The following TENM4 variants were observed in gnomAD, a reference collection of about 807,000 sequenced individuals.
TENM4 encodes teneurin-4.
Under a neutral mutation model 243.3 loss-of-function variants are expected in TENM4, and 82 were observed. The ratio of observed to expected loss-of-function variants is 0.34; its 90% CI spans 0.28 to 0.40. TENM4 has a LOEUF of 0.40. TENM4 is among the 10% of genes least tolerant of loss of function. The pLI is 1.00. For missense variants in TENM4, 3,138 were observed against 3,673.3 expected (o/e 0.85, Z 3.77); for synonymous variants, 1,412 against 1,456.3 (o/e 0.97, Z 0.69).
At chr11:78,709,565 C>G (rs1281107242) in intron 26 of TENM4, among the ~76,000 whole-genome samples, 1 of 152,196 alleles carries the variant, frequency 6.6e-6, no homozygotes, top group Non-Finnish European at 1.5e-5. Context: ...ATCTGTATTT[C>G]TCACTCTTGG....
chr11:79,197,932 A>C (rs1863663349), intron 3 of TENM4, among the ~76,000 whole-genome samples: 2 of 152,090 alleles, frequency 1.3e-5, no homozygotes, highest in South Asian at 4.1e-4. Context: ...CGTGCAGGCC[A>C]CTGCTGGAAC....
At chr11:79,209,756 A>G (rs1306014521) in intron 3 of TENM4, among the ~76,000 whole-genome samples, 1 of 152,220 alleles carries the variant, frequency 6.6e-6, no homozygotes, top group Non-Finnish European at 1.5e-5. Context: ...CAGTCAGTGC[A>G]TGGCACCCTG....
chr11:79,064,584 C>G, intron 6 of TENM4, 154 bp downstream of exon 6: 1 of 1,023,628 alleles, frequency 9.8e-7, no homozygotes, highest in South Asian at 1.7e-5. Context: ...TTTCACGTGA[C>G]TCTCCAAGAG....
chr11:79,005,264 G>A (rs1858452629), intron 6 of TENM4, among the ~76,000 whole-genome samples: 2 of 152,218 alleles, frequency 1.3e-5, no homozygotes, highest in South Asian at 2.1e-4. Flanking sequence ...CATTCTATGA[G>A]GCCAGCATTA....
At chr11:79,254,026 A>G (rs1855657985) in intron 2 of TENM4, among the ~76,000 whole-genome samples, 1 of 152,200 alleles carries the variant, frequency 6.6e-6, no homozygotes, top group Admixed American at 6.5e-5. Flanking sequence ...GAAAAGCTTG[A>G]TAATTTTCCA....
At chr11:79,193,524 G>T (rs962928050) in intron 3 of TENM4, among the ~76,000 whole-genome samples, 2 of 152,172 alleles carry the variant, frequency 1.3e-5, no homozygotes, top group Middle Eastern at 3.2e-3. Flanking sequence ...CTGAGTTGCT[G>T]CAAGTCATGG....
At position 79,115,847 on chromosome 11, in the gene TENM4, A is replaced by C. The variant is rs150758482; in HGVS notation, c.-66+32863T>G. On this transcript the variant is annotated intron_variant, in intron 4 of 33. Coordinates refer to ENST00000278550, the MANE Select transcript of TENM4 (RefSeq NM_001098816.3). ...GCCAGGCACCTCACCTATCCCTCAC[A>C]GGCCAAGATATGTCCTTCTATGTAA... 6.5e-4 allele frequency among the ~76,000 whole-genome samples: 99 copies of C among 152,296 alleles called. No individual in the cohort carries two copies. The East Asian group carries it at 0.013, about 21-fold the overall frequency.
intron 6 of TENM4, among the ~76,000 whole-genome samples, chr11:79,043,859 C>A (rs1267063606): frequency 2.0e-5 from 3 of 152,192 alleles, no homozygotes; most frequent in Non-Finnish European, 2.9e-5. Flanking sequence ...CAGGATTTAA[C>A]CTGTTGATTC....
In TENM4 at chr11:79,139,758, T is replaced by A. The variant is rs1488871021; in HGVS notation, c.-66+8952A>T. On this transcript the variant is annotated intron_variant, in intron 4 of 33. Transcript: ENST00000278550. ...ATTTATATAAATATATAATATATAT[T>A]ATATTTATATAAATATATAATATAT... 5.8e-4 allele frequency among the ~76,000 whole-genome samples: 10 copies of A among 17,314 alleles called. 1 individual carries two copies. The highest frequency in any genetic ancestry group is 1.2e-3 in the Non-Finnish European group (9 of 7,680). 11.4% of individuals were successfully genotyped at this position (17,314 alleles called of 152,430 possible).
intron 7 of TENM4, among the ~76,000 whole-genome samples, chr11:78,892,837 G>A (rs765659532): frequency 6.6e-6 from 1 of 152,164 alleles, no homozygotes; most frequent in Non-Finnish European, 1.5e-5. Flanking sequence ...AACAAGTGGA[G>A]AGCCAAGCTG....
intron 6 of TENM4, among the ~76,000 whole-genome samples, chr11:79,063,792 G>A (rs1399312204): frequency 6.6e-6 from 1 of 152,176 alleles, no homozygotes; most frequent in African/African-American, 2.4e-5. Context: ...GTGTGAACCA[G>A]GTGTCATCTT....
At chr11:79,162,514 C>T (rs1487130389) in intron 3 of TENM4, among the ~76,000 whole-genome samples, 2 of 151,598 alleles carry the variant, frequency 1.3e-5, no homozygotes, top group Admixed American at 6.6e-5. Context: ...TGTCTGACTC[C>T]TCTATGTCTT....
intron 30 of TENM4, among the ~76,000 whole-genome samples, chr11:78,674,135 G>T (rs1858406171): frequency 6.6e-6 from 1 of 152,218 alleles, no homozygotes; most frequent in South Asian, 2.1e-4. Context: ...TCTAGTGAAG[G>T]GGAGCTGTAC....
chr11:79,227,268 CTTGGTTGCTGTCA>C (rs560935120), intron 2 of TENM4, among the ~76,000 whole-genome samples: 11 of 152,316 alleles, frequency 7.2e-5, no homozygotes, highest in South Asian at 2.1e-4. Flanking sequence ...TCCCTCCAGC[CTTGGTTGCTGTCA>C]TTGGTTGCTG....
At chr11:78,984,686 T>C (rs1226814205) in intron 6 of TENM4, among the ~76,000 whole-genome samples, 5 of 152,202 alleles carry the variant, frequency 3.3e-5, no homozygotes, top group Non-Finnish European at 7.3e-5. Flanking sequence ...CTGCTGCTGC[T>C]ACGCTACCTC....
chr11:79,374,327 C>A (rs1857847154), intron 1 of TENM4, among the ~76,000 whole-genome samples: 1 of 152,046 alleles, frequency 6.6e-6, no homozygotes. Context: ...GTGGCAAAGT[C>A]ATTTGTCGCC....
chr11:79,224,622 C>A (rs533191670), intron 2 of TENM4, among the ~76,000 whole-genome samples: 18 of 152,106 alleles, frequency 1.2e-4, no homozygotes, highest in Non-Finnish European at 2.2e-4. Flanking sequence ...GTCATTAGGG[C>A]AGGCCCTAAT....
intron 18 of TENM4, among the ~76,000 whole-genome samples, chr11:78,757,738 T>C (rs149871131): frequency 6.6e-6 from 1 of 152,196 alleles, no homozygotes. Context: ...TCAGCGTCTC[T>C]CCCAGCCTCA....
intron 1 of TENM4, among the ~76,000 whole-genome samples, chr11:79,374,862 C>T (rs200813866): frequency 1.4e-4 from 21 of 152,186 alleles, no homozygotes; most frequent in East Asian, 5.8e-4. Flanking sequence ...GGTTGCAAGC[C>T]GGGGGTAATT....
Sources: allele counts gnomAD v4.1 joint callset (sites outside exome capture counted in the v4.1 genomes callset), GRCh38; gene constraint gnomAD v4.1.1; transcripts MANE v1.5; gene names NCBI Gene and HGNC (gene_info 2026-07-23, HGNC 2026-07-21).